CCSER1: variants seen among roughly 807,000 people sequenced by gnomAD.
CCSER1 encodes the protein coiled-coil serine rich protein 1.
CCSER1 carries 41 observed loss-of-function variants against 82.0 expected under a neutral mutation model. That is an observed-to-expected ratio of 0.50 (90% CI 0.39 to 0.65). The LOEUF (loss-of-function observed/expected upper bound fraction) is 0.65. CCSER1 is among the 30% of genes least tolerant of loss of function. The probability of loss-of-function intolerance (pLI) is 0.00; values close to 1 mark genes in which losing one functional copy is unlikely to be tolerated. For synonymous variants in CCSER1, 414 were observed against 383.9 expected (o/e 1.08, Z -0.92); for missense variants, 1,119 against 1,064.2 (o/e 1.05, Z -0.72).
chr4:91,361,213 A>T (rs1032151281), intron 10 of CCSER1, among the ~76,000 whole-genome samples: 3 of 151,840 alleles, frequency 2.0e-5, no homozygotes, highest in African/African-American at 7.3e-5. Flanking sequence ...ACAGAAACAT[A>T]TATTAAGGTA....
At position 91,188,932 on chromosome 4, in the gene CCSER1, C is replaced by A. The variant is rs890683456; in HGVS notation, c.2217+102938C>A. On this transcript the variant is annotated intron_variant, in intron 10 of 10. Transcript: ENST00000509176. ...AGAAAGATCTGTTACTTAATCATGA[C>A]AAAAAGAGTCTAGGAATTACCAGAG... 3.3e-5 allele frequency among the ~76,000 whole-genome samples: 5 copies of A among 151,808 alleles called. No individual in the cohort carries two copies. The South Asian group carries it at 1.0e-3, about 32-fold the overall frequency.
chr4:91,145,321 T>C (rs550035897), intron 10 of CCSER1, among the ~76,000 whole-genome samples: 1 of 152,286 alleles, frequency 6.6e-6, no homozygotes, highest in South Asian at 2.1e-4. Flanking sequence ...AGTTCTTCTC[T>C]GTCCCTTTAC....
At chr4:91,126,548 G>T (rs1436144833) in intron 10 of CCSER1, among the ~76,000 whole-genome samples, 1 of 151,874 alleles carries the variant, frequency 6.6e-6, no homozygotes, top group Non-Finnish European at 1.5e-5. Flanking sequence ...AGAGAATGTT[G>T]CAAGAATGAA....
intron 1 of CCSER1, among the ~76,000 whole-genome samples, chr4:90,294,619 G>A (rs1731515183): frequency 6.6e-6 from 1 of 151,910 alleles, no homozygotes; most frequent in South Asian, 2.1e-4. Context: ...ACATTTACAT[G>A]CGTATTTCTA....
chr4:90,932,077 A>C (rs1448033849), intron 9 of CCSER1, among the ~76,000 whole-genome samples: 7 of 152,232 alleles, frequency 4.6e-5, no homozygotes, highest in Non-Finnish European at 7.4e-5. Context: ...AAAGAAAGCC[A>C]CATGTATCAT....
At chr4:90,750,893 A>G (rs1748520316) in intron 7 of CCSER1, among the ~76,000 whole-genome samples, 1 of 152,166 alleles carries the variant, frequency 6.6e-6, no homozygotes, top group African/African-American at 2.4e-5. Context: ...TTAAGAAGAG[A>G]TCTGATTAAA....
At chr4:90,635,831 A>C (rs937615660) in intron 6 of CCSER1, among the ~76,000 whole-genome samples, 4 of 151,898 alleles carry the variant, frequency 2.6e-5, no homozygotes, top group African/African-American at 7.2e-5. Context: ...AATTACCCTG[A>C]TTTAATCACT....
chr4:90,974,930 C>A (rs1044478337), intron 9 of CCSER1, among the ~76,000 whole-genome samples: 13 of 151,264 alleles, frequency 8.6e-5, no homozygotes, highest in African/African-American at 2.7e-4. Flanking sequence ...TACATAGCAG[C>A]ATTATTAGTA....
At chr4:91,079,280 A>G (rs1014772561) in intron 9 of CCSER1, among the ~76,000 whole-genome samples, 4 of 152,220 alleles carry the variant, frequency 2.6e-5, no homozygotes, top group African/African-American at 9.6e-5. Flanking sequence ...CAACATTCTT[A>G]AAGAAAAGAA....
At chr4:91,573,692 C>T (rs1471624333) in intron 10 of CCSER1, among the ~76,000 whole-genome samples, 2 of 152,126 alleles carry the variant, frequency 1.3e-5, no homozygotes, top group Non-Finnish European at 2.9e-5. Flanking sequence ...TCTTTGTTTT[C>T]CATGGATCAA....
chr4:90,281,362 A>T (rs971657226), intron 1 of CCSER1, among the ~76,000 whole-genome samples: 6 of 152,000 alleles, frequency 3.9e-5, no homozygotes, highest in Admixed American at 2.0e-4. Context: ...AAAGGCAAGG[A>T]TTGAAAAACT....
chr4:90,532,873 C>CT (rs1312035563), intron 5 of CCSER1, among the ~76,000 whole-genome samples: 2 of 152,032 alleles, frequency 1.3e-5, no homozygotes, highest in African/African-American at 2.4e-5. Context: ...TCTATCTTGG[C>CT]TTTTTTGTAT....
At chr4:90,800,911 A>C (rs1366565458) in intron 7 of CCSER1, among the ~76,000 whole-genome samples, 1 of 152,204 alleles carries the variant, frequency 6.6e-6, no homozygotes, top group Non-Finnish European at 1.5e-5. Context: ...TCAAACAAAA[A>C]AATAAGGAAA....
chr4:90,490,239 T>C (rs1393424177), intron 5 of CCSER1, among the ~76,000 whole-genome samples: 1 of 152,210 alleles, frequency 6.6e-6, no homozygotes, highest in Non-Finnish European at 1.5e-5. Context: ...TGGTATCTCA[T>C]TATGGTTTTG....
intron 10 of CCSER1, among the ~76,000 whole-genome samples, chr4:91,193,796 T>A (rs540700275): frequency 1.3e-5 from 2 of 148,900 alleles, no homozygotes; most frequent in African/African-American, 5.0e-5. Flanking sequence ...TTACTTCTAA[T>A]TCAAATCTTC....
intron 1 of CCSER1, among the ~76,000 whole-genome samples, chr4:90,229,896 G>A (rs1744095255): frequency 6.6e-6 from 1 of 152,078 alleles, no homozygotes; most frequent in Non-Finnish European, 1.5e-5. Context: ...AATGGGAAAG[G>A]GATCAATTCA....
rs927239378 is a variant in CCSER1, at chr4:91,294,225, T to C, written c.2217+208231T>C. ...ATACTCATTTCTAAATCATCAGCAA[T>C]ATAGAAATATATGTGAAAATTTCCT... On this transcript the variant is annotated intron_variant, in intron 10 of 10. Transcript: ENST00000509176. Among the ~76,000 whole-genome samples, 4 of 151,990 alleles carry C rather than the reference T, an allele frequency of 2.6e-5. No individual in the cohort carries two copies. The East Asian group carries it at 5.8e-4, about 22-fold the overall frequency.
At chr4:90,359,877 G>GTATATATA (rs1745012777) in intron 3 of CCSER1, among the ~76,000 whole-genome samples, 2 of 86,384 alleles carry the variant, frequency 2.3e-5, no homozygotes, top group Admixed American at 1.0e-4. Flanking sequence ...ATATATATGT[G>GTATATATA]TGTATATATA....
At chr4:91,038,281 T>C (rs1313071451) in intron 9 of CCSER1, among the ~76,000 whole-genome samples, 1 of 152,100 alleles carries the variant, frequency 6.6e-6, no homozygotes, top group Non-Finnish European at 1.5e-5. Context: ...TAGTCAAGTA[T>C]GAAACATTGC....
Sources: allele counts gnomAD v4.1 joint callset (sites outside exome capture counted in the v4.1 genomes callset), GRCh38; gene constraint gnomAD v4.1.1; transcripts MANE v1.5; gene names NCBI Gene and HGNC (gene_info 2026-07-23, HGNC 2026-07-21).